Variants in CASQ2 observed in about 807,000 individuals in gnomAD.
CASQ2 encodes calsequestrin 2.
A neutral mutation model predicts 46.5 loss-of-function variants in CASQ2; 49 were observed. That is an observed-to-expected ratio of 1.05 (90% CI 0.84 to 1.34). The LOEUF is 1.34. CASQ2 is among the 40% of genes most tolerant of loss of function. The pLI is 0.00. For synonymous variants in CASQ2, 174 were observed against 168.5 expected (o/e 1.03, Z -0.25); for missense variants, 486 against 481.3 (o/e 1.01, Z -0.09).
At chr1:115,744,958 G>T in intron 1 of CASQ2, 46 bp from the exon 2 acceptor site, 1 of 1,326,934 alleles carries the variant, frequency 7.5e-7, no homozygotes, top group Non-Finnish European at 1.1e-6. Flanking sequence ...GCAGAAAGAT[G>T]GTAGAAAATA....
chr1:115,700,695 T>G lies in CASQ2; in HGVS notation c.*546A>C. ...ACTTGAAATAAGTTTAACAAAGCCA[T>G]GAGAATATGATTTATAAGTTTGCTT... On this transcript the variant is annotated 3_prime_UTR_variant, in exon 11 of 11. Transcript: ENST00000261448. 5 of 289,108 alleles carry G rather than the reference T, an allele frequency of 1.7e-5. No homozygotes were observed. The highest frequency in any genetic ancestry group is 6.1e-5 in the East Asian group (1 of 16,436). 17.9% of individuals were successfully genotyped at this position (289,108 alleles called of 1,614,324 possible). A position where few individuals can be genotyped will look rare whatever the true frequency, so the allele number is the denominator to read the frequency against.
At chr1:115,757,380 A>G (rs975400348) in intron 1 of CASQ2, among the ~76,000 whole-genome samples, 1 of 152,220 alleles carries the variant, frequency 6.6e-6, no homozygotes, top group African/African-American at 2.4e-5. Flanking sequence ...TTGTTCTCCA[A>G]GCCAAACCAA....
rs2101051908 is a variant in CASQ2 at position 115,701,087 on chromosome 1, G to A, written c.*154C>T. 1.7e-6 allele frequency: 2 copies of A among 1,145,638 alleles called. No homozygotes were observed. Among genetic ancestry groups the A allele is most frequent in the South Asian group, 1.2e-5 (1 of 80,340 alleles). 71.0% of individuals were successfully genotyped at this position (1,145,638 alleles called of 1,614,324 possible). ...TTTGAAAAGGCATTTGCTGAATGAT[G>A]CTGCTCCTGACGCAAAGGGAGTGGG... On this transcript the variant is annotated 3_prime_UTR_variant, in exon 11 of 11. Transcript: ENST00000261448.
At chr1:115,706,602 G>T (rs546174004) in intron 8 of CASQ2, among the ~76,000 whole-genome samples, 1 of 152,316 alleles carries the variant, frequency 6.6e-6, no homozygotes, top group South Asian at 2.1e-4. Context: ...TGAAATTTAG[G>T]TTCAGTTCTA....
intron 3 of CASQ2, 144 bp from the exon 4 acceptor site, chr1:115,738,479 AGTGAG>A: frequency 1.4e-6 from 1 of 713,600 alleles, no homozygotes; most frequent in Non-Finnish European, 2.6e-6. Context: ...ACAATCCCCC[AGTGAG>A]CATACCAGCA....
intron 2 of CASQ2, among the ~76,000 whole-genome samples, chr1:115,742,459 G>A: frequency 6.6e-6 from 1 of 152,066 alleles, no homozygotes; most frequent in African/African-American, 2.4e-5. Context: ...GAAGATGAAG[G>A]AGCAGGTTCA....
chr1:115,711,112 G>C (rs1654530845), intron 8 of CASQ2, among the ~76,000 whole-genome samples: 1 of 152,174 alleles, frequency 6.6e-6, no homozygotes, highest in Non-Finnish European at 1.5e-5. Flanking sequence ...CTGTCCTCAT[G>C]GCCCCACTCC....
At chr1:115,767,966 C>T (rs1475483848) in intron 1 of CASQ2, among the ~76,000 whole-genome samples, 1 of 152,156 alleles carries the variant, frequency 6.6e-6, no homozygotes, top group Non-Finnish European at 1.5e-5. Flanking sequence ...CCCTGGATTT[C>T]ATTTCAGCCA....
At chr1:115,738,440 G>C (rs1439086904) in intron 3 of CASQ2, 105 bp from the exon 4 acceptor site, 1 of 799,404 alleles carries the variant, frequency 1.3e-6, no homozygotes, top group Non-Finnish European at 2.2e-6. Flanking sequence ...TTTGTGGTTG[G>C]TGCCTCAAAT....
intron 2 of CASQ2, among the ~76,000 whole-genome samples, chr1:115,741,733 G>C (rs1200005599): frequency 6.6e-6 from 1 of 152,178 alleles, no homozygotes; most frequent in Non-Finnish European, 1.5e-5. Flanking sequence ...AGCACCCTTG[G>C]TCTGATGTTG....
At chr1:115,736,168 A>AAC (rs1262983368) in intron 4 of CASQ2, among the ~76,000 whole-genome samples, 10 of 151,566 alleles carry the variant, frequency 6.6e-5, no homozygotes, top group Admixed American at 6.6e-4. Flanking sequence ...CATCCCGAAA[A>AAC]AAAAAAAAAA....
intron 8 of CASQ2, among the ~76,000 whole-genome samples, chr1:115,716,196 G>T (rs1488615858): frequency 6.6e-6 from 1 of 152,214 alleles, no homozygotes; most frequent in African/African-American, 2.4e-5. Flanking sequence ...GGGACTCTCT[G>T]TCTCACAGAG....
chr1:115,700,983 C>G lies in CASQ2; in HGVS notation c.*258G>C, dbSNP rs1259946464. On this transcript the variant is annotated 3_prime_UTR_variant, in exon 11 of 11. Coordinates refer to ENST00000261448, the MANE Select transcript of CASQ2 (RefSeq NM_001232.4). ...TGACCCTTGATGGTCCAGCAAAGAA[C>G]AAGATCTGTTCCGTGACAGTCAAGA... 1.3e-5 allele frequency: 8 copies of G among 623,180 alleles called. No individual in the cohort carries two copies. The highest frequency in any genetic ancestry group is 2.0e-5 in the Non-Finnish European group (7 of 350,476). The allele number at this position is 623,180 out of a possible 1,614,324, so 38.6% of individuals were successfully genotyped here.
intron 1 of CASQ2, among the ~76,000 whole-genome samples, chr1:115,760,015 A>G (rs1648884285): frequency 6.6e-6 from 1 of 152,212 alleles, no homozygotes; most frequent in African/African-American, 2.4e-5. Context: ...ATTTCCTTCT[A>G]AGGAGGTCCA....
chr1:115,728,145 G>A (rs1443869533), intron 5 of CASQ2, among the ~76,000 whole-genome samples: 2 of 152,166 alleles, frequency 1.3e-5, no homozygotes, highest in Non-Finnish European at 2.9e-5. Flanking sequence ...CCGTGGTGCC[G>A]TGACCCAGGG....
Position 115,727,055 on chromosome 1 carries a change from A to G in CASQ2, c.674T>C (p.Ile225Thr). 1.2e-6 allele frequency: 2 copies of G among 1,613,322 alleles called. No homozygotes were observed. Among genetic ancestry groups the G allele is most frequent in the East Asian group, 2.2e-5 (1 of 44,870 alleles). Residue 225 changes from isoleucine to threonine, a missense_variant, in exon 6 of 11, where the codon ATT (isoleucine) becomes ACT (threonine). Coordinates refer to ENST00000261448, the MANE Select transcript of CASQ2 (RefSeq NM_001232.4). ...DFYEPFMDEP[I>T]AIPNKPYTEE... is the part of the protein sequence containing the mutation. ...TGTGTAAGGTTTGTTGGGGATGGCA[A>G]TGGGCTCATCCATAAATGGCTCATA...
intron 1 of CASQ2, among the ~76,000 whole-genome samples, chr1:115,751,469 T>C (rs9428220): frequency 0.61 from 92,432 of 151,310 alleles, 28,874 homozygotes; most frequent in Non-Finnish European, 0.68. Context: ...GAGATAGAGA[T>C]CATCCTGGCT....
At chr1:115,724,602 G>A (rs1262521390) in intron 7 of CASQ2, among the ~76,000 whole-genome samples, 1 of 152,128 alleles carries the variant, frequency 6.6e-6, no homozygotes, top group Non-Finnish European at 1.5e-5. Flanking sequence ...GTGGGTTGGG[G>A]GTTTATCTCC....
At chr1:115,710,775 C>T (rs907999826) in intron 8 of CASQ2, among the ~76,000 whole-genome samples, 8 of 152,212 alleles carry the variant, frequency 5.3e-5, no homozygotes, top group Non-Finnish European at 8.8e-5. Context: ...ACTGCAACTC[C>T]TCTCCTGCCA....
Sources: gnomAD v4.1 joint callset for allele counts (sites outside exome capture counted in the v4.1 genomes callset) on GRCh38, gnomAD v4.1.1 for gene constraint, MANE v1.5 for transcripts, NCBI Gene and HGNC (gene_info 2026-07-23, HGNC 2026-07-21) for gene names.